The following LTF variants were observed in gnomAD, a reference collection of about 807,000 sequenced individuals.
LTF encodes epididymis luminal protein 110.
Under a neutral mutation model 87.2 loss-of-function variants are expected in LTF, and 91 were observed. The ratio of observed to expected loss-of-function variants is 1.04; its 90% CI spans 0.88 to 1.24. The LOEUF (loss-of-function observed/expected upper bound fraction) is 1.24. Among genes scored for constraint, LTF ranks in the 50% most tolerant of loss-of-function variants. LTF has a pLI of 0.00. For synonymous variants in LTF, 378 were observed against 356.1 expected (o/e 1.06, Z -0.69); for missense variants, 901 against 904.3 (o/e 1.00, Z 0.05).
chr3:46,446,306 TAAAATTATTGCTC>T, intron 11 of LTF, 121 bp downstream of exon 11: 1 of 189,918 alleles, frequency 5.3e-6, no homozygotes. Context: ...TTTGCACCCT[TAAAATTATTGCTC>T]CTAGAAGCCC....
chr3:46,478,274 C>T (rs1368903269), intron 1 of LTF, among the ~76,000 whole-genome samples: 1 of 152,178 alleles, frequency 6.6e-6, no homozygotes, highest in Non-Finnish European at 1.5e-5. Context: ...CACCAGTAAC[C>T]CAGCTGCGTC....
chr3:46,456,430 A>T (rs765559330), intron 2 of LTF, 32 bp from the exon 3 acceptor site: 1 of 1,587,286 alleles, frequency 6.3e-7, no homozygotes, highest in Non-Finnish European at 8.7e-7. Flanking sequence ...TGGCTTCAGC[A>T]GAAAACTCAC....
chr3:46,464,844 CAGGACGAGGA>C lies in LTF; in HGVS notation c.14_23del (p.Phe5CysfsTer38), dbSNP rs1559608831. On this transcript the variant is annotated frameshift_variant, in exon 1 of 17. Transcript: ENST00000231751. LOFTEE classifies it high-confidence loss of function. Reference sequence around the variant, plus strand: ...ACTCACCGAGGGCCCCGAGGAACAGCAGGACGAGGAAGACAAGTTTCATGTCTGCGGTCTG... The same window carrying C: ...ACTCACCGAGGGCCCCGAGGAACAGCAGACAAGTTTCATGTCTGCGGTCTG... The C allele has an allele frequency of 6.2e-7, 1 of 1,613,954 alleles. No homozygotes were observed.
chr3:46,458,072 C>T (rs374318275), intron 2 of LTF, among the ~76,000 whole-genome samples: 2 of 152,262 alleles, frequency 1.3e-5, no homozygotes, highest in South Asian at 2.1e-4. Flanking sequence ...ATGTGAGCCA[C>T]CACGCCCGGC....
intron 1 of LTF, among the ~76,000 whole-genome samples, chr3:46,477,818 T>G (rs60983021): frequency 0.12 from 18,437 of 152,180 alleles, 1,553 homozygotes; most frequent in East Asian, 0.23. Flanking sequence ...GCATTTCTGG[T>G]CCCCGTTGTG....
chr3:46,456,240 G>A (rs756421128), intron 3 of LTF, 50 bp downstream of exon 3: 14 of 1,466,098 alleles, frequency 9.5e-6, no homozygotes, highest in Non-Finnish European at 1.2e-5. Context: ...ACACAGCTCA[G>A]GGCACAGGCT....
chr3:46,465,756 C>G (rs1400875427), upstream of LTF, among the ~76,000 whole-genome samples: 1 of 152,184 alleles, frequency 6.6e-6, no homozygotes, highest in Non-Finnish European at 1.5e-5. Flanking sequence ...GAATACATCT[C>G]GTAAATACAT....
At chr3:46,474,309 T>C (rs1034152058) in intron 1 of LTF, among the ~76,000 whole-genome samples, 2 of 152,170 alleles carry the variant, frequency 1.3e-5, no homozygotes, top group Non-Finnish European at 2.9e-5. Flanking sequence ...CAGGAAGAGC[T>C]ACATTAATAT....
chr3:46,463,769 C>A (rs1703144086), intron 1 of LTF: 5 of 398,284 alleles, frequency 1.3e-5, no homozygotes, highest in African/African-American at 2.2e-5. Flanking sequence ...CGCCAGGGAG[C>A]TTGAGGGGAA....
chr3:46,436,270 C>T, intron 16 of LTF, 41 bp from the exon 17 acceptor site: 1 of 1,568,950 alleles, frequency 6.4e-7, no homozygotes. Context: ...AAACTGATTT[C>T]TTCCATTAAA....
At chr3:46,456,141 T>A in intron 3 of LTF, 149 bp downstream of exon 3, 1 of 906,926 alleles carries the variant, frequency 1.1e-6, no homozygotes. Context: ...AGGAACGGCC[T>A]TCATCTGGCC....
At chr3:46,477,223 T>G (rs1186786359) in intron 1 of LTF, among the ~76,000 whole-genome samples, 1 of 152,240 alleles carries the variant, frequency 6.6e-6, no homozygotes, top group Non-Finnish European at 1.5e-5. Context: ...GTCCATTGTT[T>G]GATTATTTGG....
intron 11 of LTF, 71 bp downstream of exon 11, chr3:46,446,369 A>G (rs576782739): frequency 2.3e-6 from 3 of 1,285,960 alleles, no homozygotes; most frequent in Non-Finnish European, 2.2e-6. Context: ...TTTTTTTTAC[A>G]GTTCCTGCCA....
intron 1 of LTF, among the ~76,000 whole-genome samples, chr3:46,476,337 T>C (rs1703359507): frequency 6.6e-6 from 1 of 152,250 alleles, no homozygotes; most frequent in South Asian, 2.1e-4. Context: ...GTAGATTCTA[T>C]AGAAACTTTT....
At chr3:46,468,285 C>T (rs1216203178), upstream of LTF, 2 of 456,632 alleles carry the variant, frequency 4.4e-6, no homozygotes, top group African/African-American at 4.0e-5. Context: ...GGGACATCTC[C>T]AACGTGCCAG....
chr3:46,478,141 C>T (rs530343540), intron 1 of LTF, among the ~76,000 whole-genome samples: 1 of 152,302 alleles, frequency 6.6e-6, no homozygotes, highest in Non-Finnish European at 1.5e-5. Context: ...TCTTTTATGA[C>T]GTCCACTTCT....
At chr3:46,478,216 C>T (rs1229998808) in intron 1 of LTF, among the ~76,000 whole-genome samples, 5 of 152,168 alleles carry the variant, frequency 3.3e-5, no homozygotes, top group Non-Finnish European at 1.5e-5. Context: ...TGAGACTTTT[C>T]CTAATGGCCC....
At chr3:46,482,532 AGG>A (rs1397405502) in intron 1 of LTF, among the ~76,000 whole-genome samples, 1 of 76,418 alleles carries the variant, frequency 1.3e-5, no homozygotes, top group East Asian at 3.6e-4. Context: ...AGGGAAGGGA[AGG>A]GAAGGGAAGG....
intron 11 of LTF, among the ~76,000 whole-genome samples, chr3:46,446,164 C>T (rs547882250): frequency 5.3e-5 from 8 of 152,262 alleles, no homozygotes; most frequent in African/African-American, 1.7e-4. Flanking sequence ...CCACTGTTTC[C>T]TCATCCCCAT....
Sources: gnomAD v4.1 joint callset for allele counts (sites outside exome capture counted in the v4.1 genomes callset) on GRCh38, gnomAD v4.1.1 for gene constraint, MANE v1.5 for transcripts, NCBI Gene and HGNC (gene_info 2026-07-23, HGNC 2026-07-21) for gene names.